The following TNFAIP8 variants were observed in gnomAD, a reference collection of about 807,000 sequenced individuals.
TNFAIP8 encodes TNF alpha induced protein 8.
Under a neutral mutation model 13.3 loss-of-function variants are expected in TNFAIP8, and 7 were observed. The observed-to-expected ratio is 0.52, with a 90% CI of 0.30 to 0.99. TNFAIP8 has a LOEUF of 0.99. TNFAIP8 is among the 50% of genes least tolerant of loss of function. The pLI is 0.07. For synonymous variants in TNFAIP8, 94 were observed against 87.6 expected (o/e 1.07, Z -0.41); for missense variants, 258 against 236.9 (o/e 1.09, Z -0.58).
In TNFAIP8 at chr5:119,399,452, G is replaced by A. The variant is rs1039495510; in HGVS notation, c.*6071G>A. The A allele has an allele frequency of 6.6e-6, 1 of 152,178 alleles. No individual in the cohort carries two copies. The highest frequency in any genetic ancestry group is 1.5e-5 in the Non-Finnish European group (1 of 68,040). 9.4% of individuals were successfully genotyped at this position (152,178 alleles called of 1,614,324 possible). A position where few individuals can be genotyped will look rare whatever the true frequency, so the allele number is the denominator to read the frequency against. On this transcript the variant is annotated 3_prime_UTR_variant, in exon 2 of 2. Transcript: ENST00000504771. The stretch of plus-strand genomic sequence containing the variant: ...TTCCTATGTGAGGTATTGTTTACGG[G>A]TGGCCTTTCACTATTTCCAAATCAG...
chr5:119,350,483 G>C (rs765569786), intron 1 of TNFAIP8, among the ~76,000 whole-genome samples: 37 of 152,196 alleles, frequency 2.4e-4, no homozygotes, highest in Non-Finnish European at 5.0e-4. Flanking sequence ...ATAAAAGAAG[G>C]ACCGTGGGTC....
intron 1 of TNFAIP8, among the ~76,000 whole-genome samples, chr5:119,329,369 G>A (rs1301351297): frequency 2.6e-5 from 4 of 152,166 alleles, no homozygotes; most frequent in African/African-American, 9.7e-5. Context: ...ATTTGGGCAG[G>A]CAACGTGAAT....
intron 1 of TNFAIP8, among the ~76,000 whole-genome samples, chr5:119,340,065 G>A (rs1225992054): frequency 1.3e-5 from 2 of 152,142 alleles, no homozygotes; most frequent in East Asian, 1.9e-4. Flanking sequence ...TCAGAAGGCT[G>A]GTGAAAATGA....
intron 1 of TNFAIP8, among the ~76,000 whole-genome samples, chr5:119,328,878 T>C (rs11950366): frequency 0.096 from 14,546 of 152,306 alleles, 795 homozygotes; most frequent in African/African-American, 0.16. Context: ...TGCTATAAAA[T>C]GTCAGGCCTC....
intron 1 of TNFAIP8, chr5:119,333,153 G>C: frequency 2.1e-6 from 2 of 954,892 alleles, no homozygotes; most frequent in Non-Finnish European, 2.5e-6. Context: ...ATGTTGAAAC[G>C]TTAGACTTCC....
chr5:119,308,044 T>C (rs36091240), intron 1 of TNFAIP8, among the ~76,000 whole-genome samples: 8,853 of 152,280 alleles, frequency 0.058, 575 homozygotes, highest in African/African-American at 0.16. Context: ...TTAGAGAAGT[T>C]AGAAGTTTAT....
chr5:119,317,521 C>T (rs1749934169), intron 1 of TNFAIP8, among the ~76,000 whole-genome samples: 1 of 150,528 alleles, frequency 6.6e-6, no homozygotes, highest in Non-Finnish European at 1.5e-5. Context: ...TTGAGATATT[C>T]AGGATGCTTT....
chr5:119,327,047 C>G (rs1371257314), intron 1 of TNFAIP8, among the ~76,000 whole-genome samples: 1 of 152,098 alleles, frequency 6.6e-6, no homozygotes, highest in Non-Finnish European at 1.5e-5. Context: ...GATAGGGGCT[C>G]GGGCTCCCAT....
chr5:119,334,667 G>A (rs1349064946), intron 1 of TNFAIP8, among the ~76,000 whole-genome samples: 1 of 144,538 alleles, frequency 6.9e-6, no homozygotes, highest in Non-Finnish European at 1.5e-5. Context: ...GTGTATACCT[G>A]GGAGTCTGAG....
At chr5:119,355,479 C>T (rs183112899), upstream of TNFAIP8, 1 of 632,680 alleles carries the variant, frequency 1.6e-6, no homozygotes, top group East Asian at 2.8e-5. Context: ...TCCTTGCAAC[C>T]CCATGGACGA....
chr5:119,328,070 C>A lies in TNFAIP8; in HGVS notation c.1+59163C>A. Among the ~76,000 whole-genome samples the A allele has an allele frequency of 1.3e-5, 2 of 152,094 alleles. 1 individual carries two copies. The highest frequency in any genetic ancestry group is 4.8e-5 in the African/African-American group (2 of 41,420). On this transcript the variant is annotated intron_variant, in intron 1 of 1. Transcript: ENST00000274456. ...GAAACAGACCATAAGGAAGATCAAC[C>A]CAGCTGGGCTTGAAATGGCTTCCAG...
At chr5:119,290,597 T>C (rs1355381563) in intron 1 of TNFAIP8, among the ~76,000 whole-genome samples, 2 of 152,170 alleles carry the variant, frequency 1.3e-5, no homozygotes, top group Non-Finnish European at 2.9e-5. Context: ...GTGTGACTTA[T>C]TGGTTACACA....
chr5:119,353,941 C>T (rs1439872123), upstream of TNFAIP8, among the ~76,000 whole-genome samples: 2 of 152,184 alleles, frequency 1.3e-5, no homozygotes, highest in African/African-American at 4.8e-5. Flanking sequence ...TTGTGTAGCA[C>T]ACGGCCCTGG....
intron 1 of TNFAIP8, among the ~76,000 whole-genome samples, chr5:119,387,553 AGTT>A (rs778751750): frequency 6.6e-6 from 1 of 152,232 alleles, no homozygotes; most frequent in African/African-American, 2.4e-5. Context: ...CAGTGGGAGT[AGTT>A]ATGTTATGGG....
At chr5:119,274,352 C>G (rs1748378720) in intron 1 of TNFAIP8, among the ~76,000 whole-genome samples, 1 of 152,224 alleles carries the variant, frequency 6.6e-6, no homozygotes, top group Non-Finnish European at 1.5e-5. Flanking sequence ...TCCTTCTTCA[C>G]TCTTTAAAGG....
At chr5:119,269,135 T>G (rs1748185002) in intron 1 of TNFAIP8, among the ~76,000 whole-genome samples, 1 of 152,218 alleles carries the variant, frequency 6.6e-6, no homozygotes, top group Admixed American at 6.5e-5. Context: ...TCGGTTCCAG[T>G]GCCGCACTGA....
intron 1 of TNFAIP8, among the ~76,000 whole-genome samples, chr5:119,338,959 A>G (rs1750646641): frequency 6.6e-6 from 1 of 151,870 alleles, no homozygotes; most frequent in African/African-American, 2.4e-5. Context: ...AGGCGGGAGG[A>G]TGTCTTGAGC....
chr5:119,334,852 G>A lies in TNFAIP8; in HGVS notation c.2-57964G>A, dbSNP rs113909689. Among the ~76,000 whole-genome samples, 9 of 152,176 alleles carry A rather than the reference G, an allele frequency of 5.9e-5. No homozygotes were observed. In the South Asian group the frequency reaches 1.2e-3, roughly 21 times the overall value. ...GATCAGAGCCAGCTTTGCTTGGGAG[G>A]ATTTTGTGGAAGAAGTGAGTTTTGG... On this transcript the variant is annotated intron_variant, in intron 1 of 1. Coordinates refer to the TNFAIP8 transcript ENST00000274456.
chr5:119,391,116 G>A (rs901458614), intron 1 of TNFAIP8, among the ~76,000 whole-genome samples: 1 of 151,512 alleles, frequency 6.6e-6, no homozygotes, highest in African/African-American at 2.4e-5. Flanking sequence ...TTTCAAGTGT[G>A]AGCCACCACA....
Sources: allele counts gnomAD v4.1 joint callset (sites outside exome capture counted in the v4.1 genomes callset), GRCh38; gene constraint gnomAD v4.1.1; transcripts MANE v1.5; gene names NCBI Gene and HGNC (gene_info 2026-07-23, HGNC 2026-07-21).